COG6: variants seen among roughly 807,000 people sequenced by gnomAD.
COG6 encodes the protein component of oligomeric golgi complex 6.
In COG6, 74 loss-of-function variants were observed where a neutral mutation model predicts 88.8. The observed-to-expected ratio is 0.83, with a 90% CI of 0.69 to 1.01. The LOEUF (loss-of-function observed/expected upper bound fraction) is 1.01. Among genes scored for constraint, COG6 ranks in the 50% least tolerant of loss-of-function variants. The pLI is 0.00. For missense variants in COG6, 800 were observed against 797.9 expected (o/e 1.00, Z -0.03); for synonymous variants, 286 against 278.7 (o/e 1.03, Z -0.26).
At chr13:39,658,007 C>T (rs1223224122) in intron 1 of COG6, among the ~76,000 whole-genome samples, 1 of 151,100 alleles carries the variant, frequency 6.6e-6, no homozygotes, top group African/African-American at 2.4e-5. Context: ...CACTAAAGAA[C>T]GTCACCATTT....
chr13:39,700,357 G>A (rs1877510929), intron 13 of COG6, among the ~76,000 whole-genome samples: 1 of 151,832 alleles, frequency 6.6e-6, no homozygotes, highest in African/African-American at 2.4e-5. Flanking sequence ...AGAATACGTG[G>A]TCAATCTTCA....
At chr13:39,735,391 C>G (rs1051862214) in intron 18 of COG6, among the ~76,000 whole-genome samples, 2 of 142,824 alleles carry the variant, frequency 1.4e-5, no homozygotes, top group African/African-American at 2.6e-5. Context: ...CTAATAAAAA[C>G]TCTTTACCCT....
intron 18 of COG6, among the ~76,000 whole-genome samples, chr13:39,735,418 G>GCTTT (rs61126602): frequency 0.97 from 147,868 of 152,066 alleles, 72,065 homozygotes; most frequent in East Asian, 1. Flanking sequence ...TCATTGCCCT[G>GCTTT]CTAATATTTG....
intron 18 of COG6, among the ~76,000 whole-genome samples, chr13:39,780,701 T>C (rs1881603180): frequency 6.6e-6 from 1 of 152,144 alleles, no homozygotes; most frequent in African/African-American, 2.4e-5. Flanking sequence ...GCACATAATT[T>C]TTCAGGCAAA....
chr13:39,751,616 A>G lies in COG6; in HGVS notation c.*523A>G, dbSNP rs1566039628. ...CTTAAAGAGTTGTTAGCAGAGAGAA[A>G]AATAACAGTGAATGTGCTCCTGGTG... On this transcript the variant is annotated 3_prime_UTR_variant, in exon 19 of 19. Transcript: ENST00000455146. 1.6e-6 allele frequency: 2 copies of G among 1,287,070 alleles called. No individual in the cohort carries two copies. Among genetic ancestry groups the G allele is most frequent in the African/African-American group, 1.5e-5 (1 of 65,784 alleles). The allele number at this position is 1,287,070 out of a possible 1,614,324, so 79.7% of individuals were successfully genotyped here. A position where few individuals can be genotyped will look rare whatever the true frequency, so the allele number is the denominator to read the frequency against.
intron 4 of COG6, among the ~76,000 whole-genome samples, chr13:39,667,962 A>G (rs1243743749): frequency 6.6e-6 from 1 of 152,162 alleles, no homozygotes; most frequent in Non-Finnish European, 1.5e-5. Flanking sequence ...TGACTTAACG[A>G]TAAGCAAGAA....
rs1480485047 is a variant in COG6, at chr13:39,751,203, A to G, written c.*110A>G. ...ATTTGATAGTTACAGTTTTCTTTGT[A>G]TCATAAGATTGTAAGTCCCGATAAT... is the stretch of plus-strand genomic sequence containing the variant. On this transcript the variant is annotated 3_prime_UTR_variant, in exon 19 of 19. Coordinates refer to ENST00000455146, the MANE Select transcript of COG6 (RefSeq NM_020751.3). The G allele has an allele frequency of 6.5e-7, 1 of 1,531,852 alleles. No homozygotes were observed. The highest frequency in any genetic ancestry group is 8.8e-7 in the Non-Finnish European group (1 of 1,141,032). 94.9% of individuals were successfully genotyped at this position (1,531,852 alleles called of 1,614,324 possible).
intron 8 of COG6, 26 bp downstream of exon 8, chr13:39,682,290 A>G: frequency 7.3e-7 from 1 of 1,374,436 alleles, no homozygotes; most frequent in East Asian, 2.3e-5. Flanking sequence ...TTAATTAAAA[A>G]TGAAAGCCTA....
chr13:39,737,852 C>T (rs1000787274), intron 18 of COG6, among the ~76,000 whole-genome samples: 1 of 152,080 alleles, frequency 6.6e-6, no homozygotes, highest in Non-Finnish European at 1.5e-5. Context: ...GGAGGCTTCC[C>T]TTCTGACTAG....
chr13:39,752,578 A>G lies in COG6; in HGVS notation c.*1485A>G. 1.6e-6 allele frequency: 2 copies of G among 1,262,530 alleles called. No individual in the cohort carries two copies. The highest frequency in any genetic ancestry group is 1.0e-6 in the Non-Finnish European group (1 of 971,516). 78.2% of individuals were successfully genotyped at this position (1,262,530 alleles called of 1,614,324 possible). A position where few individuals can be genotyped will look rare whatever the true frequency, so the allele number is the denominator to read the frequency against. On this transcript the variant is annotated 3_prime_UTR_variant, in exon 19 of 19. Coordinates refer to ENST00000455146, the MANE Select transcript of COG6 (RefSeq NM_020751.3). ...AGTGAATTCCTTTGTTTTATAGGGAAAATTTATTGTGCTTTTTACCTGGTT... is the reference window on the plus strand; with the variant it reads ...AGTGAATTCCTTTGTTTTATAGGGAGAATTTATTGTGCTTTTTACCTGGTT...
chr13:39,753,669 A>G (rs1354092426), downstream of COG6, among the ~76,000 whole-genome samples: 1 of 152,028 alleles, frequency 6.6e-6, no homozygotes, highest in Non-Finnish European at 1.5e-5. Context: ...TATTCCCTCC[A>G]TTATGCTCTG....
intron 1 of COG6, among the ~76,000 whole-genome samples, chr13:39,658,779 C>G (rs985680709): frequency 8.5e-5 from 13 of 152,158 alleles, no homozygotes; most frequent in Admixed American, 8.5e-4. Context: ...AAAGTCACCT[C>G]AGAGAGGCCT....
intron 18 of COG6, among the ~76,000 whole-genome samples, chr13:39,727,954 T>C (rs1879226726): frequency 6.6e-6 from 1 of 152,276 alleles, no homozygotes; most frequent in Admixed American, 6.5e-5. Context: ...TCTGTAGATA[T>C]AAAATTACTC....
intron 18 of COG6, among the ~76,000 whole-genome samples, chr13:39,749,553 AT>A (rs1880514303): frequency 1.3e-5 from 2 of 152,236 alleles, no homozygotes; most frequent in South Asian, 4.1e-4. Flanking sequence ...GGTAAAAGCT[AT>A]ATGAAAGGAA....
chr13:39,663,869 C>T (rs1875069481), intron 3 of COG6, among the ~76,000 whole-genome samples: 1 of 139,418 alleles, frequency 7.2e-6, no homozygotes, highest in South Asian at 2.3e-4. Flanking sequence ...GGCTGGGTGA[C>T]AGAGTGAGAC....
intron 18 of COG6, among the ~76,000 whole-genome samples, chr13:39,739,364 C>T (rs1219473869): frequency 6.6e-6 from 1 of 151,834 alleles, no homozygotes; most frequent in Non-Finnish European, 1.5e-5. Context: ...ATGCCCTTTA[C>T]AAGAGACCAT....
At chr13:39,666,890 A>G (rs1875306558) in intron 4 of COG6, among the ~76,000 whole-genome samples, 1 of 152,232 alleles carries the variant, frequency 6.6e-6, no homozygotes, top group Admixed American at 6.5e-5. Flanking sequence ...CACAAAACAA[A>G]GAAAACATTT....
At chr13:39,663,731 T>C (rs539173533) in intron 3 of COG6, among the ~76,000 whole-genome samples, 33 of 151,972 alleles carry the variant, frequency 2.2e-4, no homozygotes, top group African/African-American at 7.0e-4. Context: ...CCAAAAACTT[T>C]TAATAAGTTA....
intron 18 of COG6, among the ~76,000 whole-genome samples, chr13:39,784,460 T>TA (rs1393403612): frequency 1.3e-5 from 2 of 152,208 alleles, no homozygotes; most frequent in Non-Finnish European, 2.9e-5. Flanking sequence ...CCAGGGGCAG[T>TA]AAGCATTGGA....
Sources: allele counts gnomAD v4.1 joint callset (sites outside exome capture counted in the v4.1 genomes callset), GRCh38; gene constraint gnomAD v4.1.1; transcripts MANE v1.5; gene names NCBI Gene and HGNC (gene_info 2026-07-23, HGNC 2026-07-21).